The following CEP57 variants were observed in gnomAD, a reference collection of about 807,000 sequenced individuals.
CEP57 encodes the protein centrosomal protein 57.
In CEP57, 40 loss-of-function variants were observed where a neutral mutation model predicts 68.0. The ratio of observed to expected loss-of-function variants is 0.59; its 90% confidence interval spans 0.46 to 0.77. The LOEUF (loss-of-function observed/expected upper bound fraction) is 0.77. Among genes scored for constraint, CEP57 ranks in the 30% least tolerant of loss-of-function variants. The pLI, the probability that CEP57 is intolerant of heterozygous loss-of-function variation, is 0.00. For synonymous variants in CEP57, 219 were observed against 198.7 expected, an observed-to-expected ratio of 1.10 and a Z score of -0.86; for missense variants, 606 against 580.7, an observed-to-expected ratio of 1.04 and a Z score of -0.45.
At chr11:95,790,111 C>T (rs1024313673), upstream of CEP57, 2 of 159,376 alleles carry the variant, frequency 1.3e-5, no homozygotes, top group African/African-American at 4.8e-5. Flanking sequence ...ATCGTTAAGT[C>T]CCTCCTAATC....
rs1001489205 is a variant in CEP57 at position 95,821,934 on chromosome 11, A to G, written c.763A>G (p.Asn255Asp). The G allele has an allele frequency of 6.2e-7, 1 of 1,612,930 alleles. No individual in the cohort carries two copies. Among genetic ancestry groups the G allele is most frequent in the African/African-American group, 1.3e-5 (1 of 75,010 alleles). ...AGATAAGGCAACTCCGTGTGTTCCCAATGCAAGAAGAATTAAAAAAAAGAA... is the reference window on the plus strand; with the variant it reads ...AGATAAGGCAACTCCGTGTGTTCCCGATGCAAGAAGAATTAAAAAAAAGAA... ...FEDKATPCVPNARRIKKKKSK... is the reference protein window; with the variant it reads ...FEDKATPCVPDARRIKKKKSK... The change falls in exon 7 of 11, where the codon AAT (asparagine) becomes GAT (aspartate). Residue 255 changes from asparagine to aspartate, a missense_variant. Transcript: ENST00000325542.
At chr11:95,820,579 C>CAAAAAAA (rs56260498) in intron 6 of CEP57, among the ~76,000 whole-genome samples, 18 of 82,372 alleles carry the variant, frequency 2.2e-4, no homozygotes, top group South Asian at 4.7e-4. Context: ...GCAACAAGAG[C>CAAAAAAA]AAAAAAAAAA....
intron 2 of CEP57, among the ~76,000 whole-genome samples, chr11:95,808,033 A>G (rs890555057): frequency 2.6e-5 from 4 of 152,170 alleles, no homozygotes; most frequent in African/African-American, 9.6e-5. Flanking sequence ...GGCAGAAACT[A>G]CAAGCCAGAA....
At chr11:95,807,803 T>C (rs1861874558) in intron 2 of CEP57, among the ~76,000 whole-genome samples, 2 of 152,166 alleles carry the variant, frequency 1.3e-5, no homozygotes, top group Admixed American at 6.5e-5. Flanking sequence ...CTTCAGGATA[T>C]TATCCAGGAC....
chr11:95,790,359 C>T, upstream of CEP57: 1 of 440,836 alleles, frequency 2.3e-6, no homozygotes, highest in Middle Eastern at 6.4e-4. Flanking sequence ...GGCCTGTAAC[C>T]CCGGCGTTGT....
chr11:95,803,480 T>C (rs549669157), intron 2 of CEP57, among the ~76,000 whole-genome samples: 1 of 151,882 alleles, frequency 6.6e-6, no homozygotes, highest in East Asian at 1.9e-4. Flanking sequence ...AACTAAAAAG[T>C]AGGAAAAGTC....
intron 2 of CEP57, among the ~76,000 whole-genome samples, chr11:95,806,820 G>A (rs1208749257): frequency 6.6e-6 from 1 of 152,210 alleles, no homozygotes; most frequent in African/African-American, 2.4e-5. Context: ...AAAGGCAGCA[G>A]AAACTTCTGC....
intron 10 of CEP57, among the ~76,000 whole-genome samples, chr11:95,830,234 T>G (rs1476143575): frequency 6.6e-6 from 1 of 152,200 alleles, no homozygotes; most frequent in African/African-American, 2.4e-5. Flanking sequence ...ATATCCTCAG[T>G]GAAATTAAAT....
intron 8 of CEP57, among the ~76,000 whole-genome samples, chr11:95,824,073 TAAAAAAAAAAA>T (rs71040119): frequency 8.9e-6 from 1 of 112,664 alleles, no homozygotes; most frequent in Admixed American, 9.5e-5. Flanking sequence ...AGGCCTATTG[TAAAAAAAAAAA>T]AAAAAAAAAA....
chr11:95,797,657 AAT>A (rs1861407473), intron 1 of CEP57, among the ~76,000 whole-genome samples: 1 of 152,178 alleles, frequency 6.6e-6, no homozygotes, highest in Non-Finnish European at 1.5e-5. Flanking sequence ...CAAAAGACTA[AAT>A]ATATTTTTTA....
At chr11:95,824,461 G>A (rs147115505) in intron 8 of CEP57, among the ~76,000 whole-genome samples, 125 of 152,294 alleles carry the variant, frequency 8.2e-4, no homozygotes, top group African/African-American at 2.8e-3. Flanking sequence ...TAAAAGGAAG[G>A]TGAGGTATCT....
chr11:95,811,712 A>G (rs942182117), intron 2 of CEP57, among the ~76,000 whole-genome samples: 5 of 152,230 alleles, frequency 3.3e-5, no homozygotes. Flanking sequence ...AAAATGGGCA[A>G]AGGAAATTCA....
Position 95,794,942 on chromosome 11 carries a change from A to G in CEP57, c.45+4199A>G, listed in dbSNP as rs550382414. Among the ~76,000 whole-genome samples, 20 of 152,174 alleles carry G rather than the reference A, an allele frequency of 1.3e-4. No homozygotes were observed. The East Asian group carries it at 1.3e-3, about 10-fold the overall frequency. Reference sequence around the variant, plus strand: ...TTGTTGAAAATTCATCCTATCCCCAATGGTTTGCAATATGTTCATTTCCAT... The same window carrying G: ...TTGTTGAAAATTCATCCTATCCCCAGTGGTTTGCAATATGTTCATTTCCAT... On this transcript the variant is annotated intron_variant, in intron 1 of 10. Coordinates refer to ENST00000325542, the MANE Select transcript of CEP57 (RefSeq NM_014679.5).
intron 2 of CEP57, among the ~76,000 whole-genome samples, chr11:95,809,673 A>G (rs975805788): frequency 1.3e-5 from 2 of 152,198 alleles, no homozygotes; most frequent in Non-Finnish European, 2.9e-5. Context: ...CCCTGAATAG[A>G]CCAATAGCAG....
At chr11:95,827,507 C>A in intron 8 of CEP57, 1 of 388,112 alleles carries the variant, frequency 2.6e-6, no homozygotes, top group Non-Finnish European at 4.8e-6. Flanking sequence ...GGTTTGTTCA[C>A]AAAATGGAGA....
intron 3 of CEP57, 147 bp downstream of exon 3, chr11:95,813,258 A>G (rs1300669194): frequency 2.0e-6 from 2 of 1,017,064 alleles, no homozygotes; most frequent in East Asian, 2.6e-5. Flanking sequence ...TTGAGGAGCA[A>G]ATGCTGTTGT....
chr11:95,820,783 A>C (rs1404129853), intron 6 of CEP57, among the ~76,000 whole-genome samples: 1 of 152,194 alleles, frequency 6.6e-6, no homozygotes, highest in Non-Finnish European at 1.5e-5. Flanking sequence ...TTGGCATCAT[A>C]AGTCTTCTAG....
chr11:95,819,465 T>C (rs1254677368), intron 6 of CEP57, among the ~76,000 whole-genome samples: 1 of 152,192 alleles, frequency 6.6e-6, no homozygotes, highest in Non-Finnish European at 1.5e-5. Context: ...TGAGTTTATA[T>C]GTACCAACCA....
Position 95,813,595 on chromosome 11 carries a change from TA to T in CEP57, c.504+9del. On this transcript the variant is annotated splice_region_variant and intron_variant, in intron 4 of 10. Coordinates refer to ENST00000325542, the MANE Select transcript of CEP57 (RefSeq NM_014679.5). ...CATCTGTCTTAGAGAAACAAGTAAGTAAAGCACCTCACAGATTGATACTCAA... is the reference window on the plus strand; with the variant it reads ...CATCTGTCTTAGAGAAACAAGTAAGTAAGCACCTCACAGATTGATACTCAA... 6.2e-7 allele frequency: 1 copy of T among 1,612,498 alleles called. No individual in the cohort carries two copies.
Sources: gnomAD v4.1 joint callset for allele counts (sites outside exome capture counted in the v4.1 genomes callset) on GRCh38, gnomAD v4.1.1 for gene constraint, MANE v1.5 for transcripts, NCBI Gene and HGNC (gene_info 2026-07-23, HGNC 2026-07-21) for gene names.